Variants in IQCM observed in about 807,000 individuals in gnomAD.
IQCM encodes IQ motif containing M, also known as IQ domain-containing protein M.
In IQCM, 45 loss-of-function variants were observed where a neutral mutation model predicts 57.6. That is an observed-to-expected ratio of 0.78 (90% CI 0.62 to 1.00). The LOEUF (loss-of-function observed/expected upper bound fraction) is 1.00, where lower values mean the gene tolerates loss of function less well. IQCM is among the 50% of genes least tolerant of loss of function. The pLI is 0.00. For synonymous variants in IQCM, 148 were observed against 158.9 expected, an observed-to-expected ratio of 0.93 and a Z score of 0.51; for missense variants, 468 against 511.6, an observed-to-expected ratio of 0.91 and a Z score of 0.82.
chr4:149,536,948 A>C (rs1747352545), intron 12 of IQCM, among the ~76,000 whole-genome samples: 1 of 152,032 alleles, frequency 6.6e-6, no homozygotes, highest in Non-Finnish European at 1.5e-5. Flanking sequence ...CACTGCCCAA[A>C]ACCTTTACAT....
intron 5 of IQCM, among the ~76,000 whole-genome samples, chr4:149,688,150 A>G (rs1762682923): frequency 1.3e-5 from 2 of 151,998 alleles, no homozygotes; most frequent in Non-Finnish European, 2.9e-5. Flanking sequence ...TCTAAAGAGG[A>G]AGTCAAACTG....
chr4:149,691,750 T>C lies in IQCM; in HGVS notation c.386-5282A>G, dbSNP rs554013972. ...TACAGATACTCACATCTGAATACAC[T>C]TGGAATTGAATACATGAGCAGGGAA... On this transcript the variant is annotated intron_variant, in intron 5 of 13. Transcript: ENST00000636793. 10 of 152,178 alleles carry C rather than the reference T, an allele frequency of 6.6e-5. 1 individual carries two copies. The South Asian group carries it at 2.1e-3, about 32-fold the overall frequency. 9.4% of individuals were successfully genotyped at this position (152,178 alleles called of 1,614,324 possible).
At chr4:149,667,155 C>G (rs374023496) in intron 7 of IQCM, among the ~76,000 whole-genome samples, 39 of 152,260 alleles carry the variant, frequency 2.6e-4, no homozygotes, top group African/African-American at 8.2e-4. Flanking sequence ...CAGTAGGGGT[C>G]AACAGACAAC....
chr4:149,561,853 A>G (rs924170549), intron 10 of IQCM, among the ~76,000 whole-genome samples: 1 of 152,226 alleles, frequency 6.6e-6, no homozygotes, highest in Non-Finnish European at 1.5e-5. Flanking sequence ...AACTGGCACA[A>G]TAATGACCAG....
chr4:149,752,934 C>T (rs993015454), intron 2 of IQCM, among the ~76,000 whole-genome samples: 2 of 152,182 alleles, frequency 1.3e-5, no homozygotes, highest in African/African-American at 2.4e-5. Flanking sequence ...GCCCTAGCCA[C>T]ACCAACACTG....
At chr4:149,500,019 G>A (rs114092808) in intron 12 of IQCM, among the ~76,000 whole-genome samples, 3,172 of 152,270 alleles carry the variant, frequency 0.021, 48 homozygotes, top group Non-Finnish European at 0.034. Flanking sequence ...GGCAACAGCC[G>A]AAGCTTAGCA....
At chr4:149,476,306 C>T (rs1025258359) in intron 12 of IQCM, among the ~76,000 whole-genome samples, 5 of 152,100 alleles carry the variant, frequency 3.3e-5, no homozygotes, top group South Asian at 4.1e-4. Context: ...TGGCAGAAAA[C>T]GAAATTCAAA....
At chr4:149,800,148 A>T (rs144717362) in intron 2 of IQCM, among the ~76,000 whole-genome samples, 16 of 152,106 alleles carry the variant, frequency 1.1e-4, no homozygotes, top group African/African-American at 3.4e-4. Flanking sequence ...ATCACTCATC[A>T]TGACCAAGTG....
intron 12 of IQCM, among the ~76,000 whole-genome samples, chr4:149,471,782 T>C (rs1739583516): frequency 2.6e-5 from 4 of 152,146 alleles, no homozygotes; most frequent in Non-Finnish European, 5.9e-5. Context: ...CACGATCAAG[T>C]TGGCTTCATC....
At chr4:149,462,973 T>G (rs907672626) in intron 12 of IQCM, among the ~76,000 whole-genome samples, 3 of 152,232 alleles carry the variant, frequency 2.0e-5, no homozygotes, top group African/African-American at 7.2e-5. Flanking sequence ...GTCCCTTTTC[T>G]ACAAATTTTA....
At chr4:149,509,737 T>C (rs1468532864) in intron 12 of IQCM, among the ~76,000 whole-genome samples, 1 of 152,070 alleles carries the variant, frequency 6.6e-6, no homozygotes, top group Non-Finnish European at 1.5e-5. Context: ...ATCATTAAAT[T>C]TATAAAAGGC....
chr4:149,569,779 C>CT (rs910810670), intron 9 of IQCM, among the ~76,000 whole-genome samples: 1 of 152,052 alleles, frequency 6.6e-6, no homozygotes, highest in Non-Finnish European at 1.5e-5. Context: ...GATTTCAGGA[C>CT]TTTTTTTCCT....
intron 7 of IQCM, among the ~76,000 whole-genome samples, chr4:149,677,150 T>G (rs1461885218): frequency 6.6e-6 from 1 of 152,050 alleles, no homozygotes; most frequent in Non-Finnish European, 1.5e-5. Flanking sequence ...CCATCTTGGG[T>G]TCTCTGACAG....
intron 8 of IQCM, among the ~76,000 whole-genome samples, chr4:149,609,731 T>C (rs545704499): frequency 2.0e-5 from 3 of 151,974 alleles, no homozygotes; most frequent in Admixed American, 1.3e-4. Context: ...AGGGGGAACA[T>C]ACCTCAACAT....
chr4:149,532,892 G>A (rs538261158), intron 12 of IQCM, among the ~76,000 whole-genome samples: 21 of 152,036 alleles, frequency 1.4e-4, no homozygotes, highest in Non-Finnish European at 2.9e-4. Flanking sequence ...AGTAATAAGT[G>A]GAATGAAAGA....
intron 5 of IQCM, among the ~76,000 whole-genome samples, chr4:149,724,462 C>T (rs1376815627): frequency 6.6e-6 from 1 of 151,664 alleles, no homozygotes; most frequent in Non-Finnish European, 1.5e-5. Flanking sequence ...CACATAAACA[C>T]TCTCTCTTTC....
intron 13 of IQCM, among the ~76,000 whole-genome samples, chr4:149,413,590 G>T (rs1162189070): frequency 6.6e-6 from 1 of 152,118 alleles, no homozygotes; most frequent in Non-Finnish European, 1.5e-5. Flanking sequence ...AAAAATCAAT[G>T]AAATAGAGAA....
chr4:149,509,122 G>A (rs1744139624), intron 12 of IQCM, among the ~76,000 whole-genome samples: 1 of 152,116 alleles, frequency 6.6e-6, no homozygotes, highest in South Asian at 2.1e-4. Flanking sequence ...TTTATCAGCA[G>A]AGTGAAAACA....
At chr4:149,447,934 T>C (rs555360248) in intron 12 of IQCM, among the ~76,000 whole-genome samples, 12 of 151,646 alleles carry the variant, frequency 7.9e-5, no homozygotes, top group African/African-American at 2.4e-4. Context: ...TTAGAAACAA[T>C]GAGATTTCAA....
Sources: gnomAD v4.1 joint callset for allele counts (sites outside exome capture counted in the v4.1 genomes callset) on GRCh38, gnomAD v4.1.1 for gene constraint, MANE v1.5 for transcripts, NCBI Gene and HGNC (gene_info 2026-07-23, HGNC 2026-07-21) for gene names.